Variants in SLC27A1 observed in about 807,000 individuals in gnomAD.
SLC27A1 encodes long-chain fatty acid transport protein 1.
A neutral mutation model predicts 62.2 loss-of-function variants in SLC27A1; 61 were observed. The observed-to-expected ratio is 0.98, with a 90% CI of 0.80 to 1.21. The LOEUF (loss-of-function observed/expected upper bound fraction) is 1.21, where lower values mean the gene tolerates loss of function less well. Ranked by LOEUF, SLC27A1 falls within the 50% of genes most tolerant of loss-of-function variation. SLC27A1 has a pLI of 0.00. For synonymous variants in SLC27A1, 435 were observed against 408.6 expected (o/e 1.06, Z -0.78); for missense variants, 903 against 932.1 (o/e 0.97, Z 0.41).
intron 3 of SLC27A1, 43 bp downstream of exon 3, chr19:17,487,378 ACCCGCCCAGGC>A: frequency 6.6e-7 from 1 of 1,520,844 alleles, no homozygotes. Flanking sequence ...CTGGTTTCCT[ACCCGCCCAGGC>A]CCCGCCCCCA....
chr19:17,474,717 G>T (rs899062050), intron 1 of SLC27A1, among the ~76,000 whole-genome samples: 1 of 141,884 alleles, frequency 7.0e-6, no homozygotes, highest in African/African-American at 2.6e-5. Flanking sequence ...CGCAACCTCC[G>T]CCTCCCAGGT....
At chr19:17,470,329 C>T (rs2075061109), upstream of SLC27A1, 2 of 559,548 alleles carry the variant, frequency 3.6e-6, no homozygotes, top group African/African-American at 4.0e-5. Flanking sequence ...GTGTAAAAGC[C>T]TGGAAAGGGG....
rs1377246419 is a variant in SLC27A1, at chr19:17,487,496, G to A, written c.761G>A (p.Gly254Glu). The change falls in exon 4 of 12, where the codon GGG becomes GAG. Residue 254 changes from glycine (G) to glutamate (E), a missense_variant. Gly to Glu is a moderately conservative substitution (Grantham distance 98, BLOSUM62 -2). Transcript: ENST00000252595. ...LFYIYTSGTTGLPKAAIVVHS... is the reference protein window; with the variant it reads ...LFYIYTSGTTELPKAAIVVHS... ...TACATCTACACGTCGGGGACCACCG[G>A]GCTGCCCAAGGCTGCCATTGTCGTG... 3 of 1,610,088 alleles carry A rather than the reference G, an allele frequency of 1.9e-6. No individual in the cohort carries two copies. Among genetic ancestry groups the A allele is most frequent in the Non-Finnish European group, 2.5e-6 (3 of 1,179,506 alleles).
chr19:17,504,904 T>G lies in SLC27A1; in HGVS notation c.*292T>G. 1 of 558,840 alleles carries G rather than the reference T, an allele frequency of 1.8e-6. No homozygotes were observed. Among genetic ancestry groups the G allele is most frequent in the Non-Finnish European group, 3.4e-6 (1 of 294,538 alleles). 34.6% of individuals were successfully genotyped at this position (558,840 alleles called of 1,614,324 possible). On this transcript the variant is annotated 3_prime_UTR_variant, in exon 12 of 12. Coordinates refer to ENST00000252595, the MANE Select transcript of SLC27A1 (RefSeq NM_198580.3). ...TTTTCTTTTCTTTCTTTCTTTCTTTTTTTTTTAAGATAGAGTCTCACTCTG... is the reference window on the plus strand; with the variant it reads ...TTTTCTTTTCTTTCTTTCTTTCTTTGTTTTTTAAGATAGAGTCTCACTCTG...
intron 11 of SLC27A1, 85 bp downstream of exon 11, chr19:17,501,504 A>G: frequency 1.3e-6 from 2 of 1,531,016 alleles, no homozygotes; most frequent in East Asian, 2.3e-5. Flanking sequence ...GTGTTGCTCT[A>G]AAAGAATACC....
At chr19:17,496,371 A>T (rs887532511) in intron 6 of SLC27A1, 1 of 150,822 alleles carries the variant, frequency 6.6e-6, no homozygotes, top group Non-Finnish European at 1.5e-5. Flanking sequence ...CACCTGGTGG[A>T]TGACCCCAGG....
At position 17,505,433 on chromosome 19, in the gene SLC27A1, C is replaced by T. The variant is rs977076702; in HGVS notation, c.*821C>T. 2.6e-5 allele frequency: 4 copies of T among 155,318 alleles called. No individual in the cohort carries two copies. Among genetic ancestry groups the T allele is most frequent in the African/African-American group, 9.6e-5 (4 of 41,468 alleles). 9.6% of individuals were successfully genotyped at this position (155,318 alleles called of 1,614,324 possible). Reference sequence around the variant, plus strand: ...TGTGACTTCCAAGCAGGCCCTCCGCCCTCCCTGCTGAATGGAGGAGCCGGG... The same window carrying T: ...TGTGACTTCCAAGCAGGCCCTCCGCTCTCCCTGCTGAATGGAGGAGCCGGG... On this transcript the variant is annotated 3_prime_UTR_variant, in exon 12 of 12. Coordinates refer to ENST00000252595, the MANE Select transcript of SLC27A1 (RefSeq NM_198580.3).
At position 17,497,390 on chromosome 19, in the gene SLC27A1, T is replaced by C. The variant is rs776138172; in HGVS notation, c.1132T>C (p.Phe378Leu). The change falls in exon 7 of 12, where the codon TTC (phenylalanine) becomes CTC (leucine). Residue 378 changes from phenylalanine (F) to leucine (L), a missense_variant. By Grantham distance (22) the Phe-to-Leu change is conservative. Transcript: ENST00000252595. Reference sequence around the variant, plus strand: ...CATCTGGGAGGAGTTCACGGAGCGCTTCGGCGTACGCCAAATCGGGGAGTT... The same window carrying C: ...CATCTGGGAGGAGTTCACGGAGCGCCTCGGCGTACGCCAAATCGGGGAGTT... ...PAIWEEFTERFGVRQIGEFYG... is the reference protein window; with the variant it reads ...PAIWEEFTERLGVRQIGEFYG... The C allele has an allele frequency of 1.2e-5, 20 of 1,605,234 alleles. No individual in the cohort carries two copies. The highest frequency in any genetic ancestry group is 1.7e-5 in the Non-Finnish European group (20 of 1,177,462).
intron 1 of SLC27A1, among the ~76,000 whole-genome samples, chr19:17,473,801 GCAGTGAGCCAAGATCGTGC>G (rs1445306774): frequency 2.0e-5 from 3 of 152,182 alleles, no homozygotes; most frequent in African/African-American, 7.2e-5. Flanking sequence ...GGTGGAGGTT[GCAGTGAGCCAAGATCGTGC>G]CATTACACTC....
At chr19:17,498,701 C>G (rs1307208374) in intron 7 of SLC27A1, 1 of 229,210 alleles carries the variant, frequency 4.4e-6, no homozygotes, top group Non-Finnish European at 8.3e-6. Flanking sequence ...GTAGAGGCCC[C>G]GAATGTCTGG....
upstream of SLC27A1, chr19:17,470,492 G>A: frequency 1.4e-6 from 2 of 1,471,938 alleles, no homozygotes; most frequent in South Asian, 2.6e-5. Context: ...GCGGGTCGTG[G>A]GGCGGGGCTG....
chr19:17,486,844 A>G lies in SLC27A1; in HGVS notation c.449A>G (p.Lys150Arg), dbSNP rs750139753. Reference protein sequence around the residue: ...EFVGLWLGLAKAGMEAALLNV... With the variant: ...EFVGLWLGLARAGMEAALLNV... ...GTGGGGCTGTGGCTGGGCCTGGCCA[A>G]GGCGGGCATGGAGGCCGCGCTGCTC... Residue 150 changes from lysine to arginine, a missense_variant, in exon 2 of 12, where the codon AAG becomes AGG. Coordinates refer to ENST00000252595, the MANE Select transcript of SLC27A1 (RefSeq NM_198580.3). This position sits in a 1 kb window ranked among gnomAD's most constrained non-coding sequence, Gnocchi z 6.6. The G allele has an allele frequency of 3.8e-6, 6 of 1,588,832 alleles. No homozygotes were observed. The highest frequency in any genetic ancestry group is 1.3e-5 in the African/African-American group (1 of 74,668).
At position 17,504,449 on chromosome 19, in the gene SLC27A1, C is replaced by G. The variant is rs757788145; in HGVS notation, c.1784-6C>G. ...AGCCCTTATCTGCCCCCCATCCCCA[C>G]TATAGGCACCTTCAAGATCCAGAAG... On this transcript the variant is annotated splice_region_variant and splice_polypyrimidine_tract_variant and intron_variant, in intron 11 of 11. Coordinates refer to ENST00000252595, the MANE Select transcript of SLC27A1 (RefSeq NM_198580.3). 2 of 1,614,018 alleles carry G rather than the reference C, an allele frequency of 1.2e-6. No homozygotes were observed. The highest frequency in any genetic ancestry group is 1.7e-6 in the Non-Finnish European group (2 of 1,180,034).
At chr19:17,497,903 G>A (rs2075368103) in intron 7 of SLC27A1, 1 of 186,856 alleles carries the variant, frequency 5.4e-6, no homozygotes, top group South Asian at 7.9e-5. Flanking sequence ...TTCAGTTCCT[G>A]AGCTCAAGCA....
At chr19:17,469,843 G>T (rs2075056182), upstream of SLC27A1, among the ~76,000 whole-genome samples, 1 of 151,222 alleles carries the variant, frequency 6.6e-6, no homozygotes, top group South Asian at 2.1e-4. Context: ...GAACTGGGGT[G>T]GGGCTTGAAC....
At chr19:17,484,151 G>T in intron 1 of SLC27A1, 1 of 152,412 alleles carries the variant, frequency 6.6e-6, no homozygotes. Flanking sequence ...ATGAATGAAG[G>T]AAGGAGGGAA....
At chr19:17,493,451 A>G (rs1193773754) in intron 6 of SLC27A1, among the ~76,000 whole-genome samples, 1 of 143,910 alleles carries the variant, frequency 6.9e-6, no homozygotes, top group Non-Finnish European at 1.5e-5. Context: ...AAAAAAAAAC[A>G]GGACAGAATC....
chr19:17,477,239 G>GGTTTTTTTTTTT (rs1368216587), intron 1 of SLC27A1, among the ~76,000 whole-genome samples: 1 of 49,056 alleles, frequency 2.0e-5, no homozygotes, highest in Non-Finnish European at 4.4e-5. Flanking sequence ...GATGAGCAGC[G>GGTTTTTTTTTTT]CTTTTTTTTT....
intron 11 of SLC27A1, among the ~76,000 whole-genome samples, chr19:17,502,335 GTTTTTT>G (rs1175394305): frequency 6.6e-5 from 5 of 75,902 alleles, no homozygotes; most frequent in South Asian, 4.5e-4. Flanking sequence ...CTGAAATAGT[GTTTTTT>G]TTGTTTTTTT....
Sources: allele counts gnomAD v4.1 joint callset (sites outside exome capture counted in the v4.1 genomes callset), GRCh38; gene constraint gnomAD v4.1.1; non-coding constraint Gnocchi (gnomAD v3.1); transcripts MANE v1.5; gene names NCBI Gene and HGNC (gene_info 2026-07-23, HGNC 2026-07-21).